The following JHY variants were observed in gnomAD, a reference collection of about 807,000 sequenced individuals.
The protein encoded by JHY is junctional cadherin complex regulator, also known as jhy protein homolog.
JHY carries 69 observed loss-of-function variants against 78.0 expected under a neutral mutation model. The ratio of observed to expected loss-of-function variants is 0.88; its 90% CI spans 0.73 to 1.08. The LOEUF is 1.08. Among genes scored for constraint, JHY ranks in the 50% least tolerant of loss-of-function variants. The pLI, the probability that JHY is intolerant of heterozygous loss-of-function variation, is 0.00. For missense variants in JHY, 944 were observed against 927.8 expected (o/e 1.02, Z -0.23); for synonymous variants, 368 against 342.6 (o/e 1.07, Z -0.82).
intron 3 of JHY, among the ~76,000 whole-genome samples, chr11:122,908,206 C>A (rs1863035911): frequency 6.6e-6 from 1 of 152,146 alleles, no homozygotes; most frequent in East Asian, 1.9e-4. Context: ...TTAGAGTGCA[C>A]CAGAATCATC....
chr11:122,938,536 G>A (rs537135057), intron 5 of JHY, among the ~76,000 whole-genome samples: 35 of 152,102 alleles, frequency 2.3e-4, no homozygotes, highest in African/African-American at 7.7e-4. Context: ...AGGGTGTAAG[G>A]GCCCTTGTGA....
chr11:122,946,527 C>T lies in JHY; in HGVS notation c.1664C>T (p.Thr555Met), dbSNP rs143699753. 8.3e-5 allele frequency: 133 copies of T among 1,600,012 alleles called. 1 individual carries two copies. Among genetic ancestry groups the T allele is most frequent in the South Asian group, 6.6e-4 (58 of 88,004 alleles). ...WKFHSSSDSQ[T>M]VRASPDSWLT... ...TTCCATTCTTCTTCTGACAGCCAGACGGTTAGAGCTTCTCCAGATTCATGG... is the reference window on the plus strand; with the variant it reads ...TTCCATTCTTCTTCTGACAGCCAGATGGTTAGAGCTTCTCCAGATTCATGG... The change falls in exon 6 of 9, where the codon ACG becomes ATG. Residue 555 changes from threonine to methionine, a missense_variant. Physicochemically the swap from Thr to Met is moderately conservative, Grantham distance 81. Transcript: ENST00000227349.
At position 122,956,461 on chromosome 11, in the gene JHY, C is replaced by T. The variant is rs752257315; in HGVS notation, c.1930-35C>T. 12 of 1,603,202 alleles carry T rather than the reference C, an allele frequency of 7.5e-6. No individual in the cohort carries two copies. In the South Asian group the frequency reaches 1.3e-4, roughly 18 times the overall value. ...TTAGGAGTCGGGGGACACACAAGTCCTTAAAAGAAACTGTTTCTGTGGTTG... is the reference window on the plus strand; with the variant it reads ...TTAGGAGTCGGGGGACACACAAGTCTTTAAAAGAAACTGTTTCTGTGGTTG... On this transcript the variant is annotated intron_variant, in intron 6 of 8. Coordinates refer to ENST00000227349, the MANE Select transcript of JHY (RefSeq NM_024806.4).
intron 6 of JHY, chr11:122,947,621 T>C (rs555123669): frequency 2.6e-5 from 4 of 152,290 alleles, no homozygotes; most frequent in African/African-American, 9.6e-5. Flanking sequence ...ATGCATTCTG[T>C]TTTACAGGCA....
At chr11:122,926,807 A>T (rs1232479108) in intron 4 of JHY, among the ~76,000 whole-genome samples, 1 of 152,240 alleles carries the variant, frequency 6.6e-6, no homozygotes, top group East Asian at 1.9e-4. Flanking sequence ...GCTTTTTCAA[A>T]ACCTTAAATT....
chr11:122,932,786 G>A (rs1246636168), intron 4 of JHY, among the ~76,000 whole-genome samples: 3 of 152,072 alleles, frequency 2.0e-5, no homozygotes, highest in Non-Finnish European at 2.9e-5. Context: ...CTATGTATTT[G>A]CAGAGCCTTC....
intron 4 of JHY, among the ~76,000 whole-genome samples, chr11:122,925,917 T>C (rs887438779): frequency 2.6e-5 from 4 of 151,716 alleles, no homozygotes; most frequent in African/African-American, 9.7e-5. Context: ...TTCAGGAGGC[T>C]GAGGCAGGAG....
intron 4 of JHY, among the ~76,000 whole-genome samples, chr11:122,926,872 T>G (rs1191119773): frequency 1.3e-5 from 2 of 152,246 alleles, no homozygotes; most frequent in African/African-American, 2.4e-5. Context: ...CCATCTCAGC[T>G]GCAAAATGCT....
At chr11:122,903,303 ATTTG>A (rs1246517049) in intron 2 of JHY, among the ~76,000 whole-genome samples, 2 of 152,164 alleles carry the variant, frequency 1.3e-5, no homozygotes, top group Non-Finnish European at 2.9e-5. Context: ...CACAGTGATT[ATTTG>A]TTTAACATTA....
At chr11:122,929,033 C>A (rs1863579419) in intron 4 of JHY, among the ~76,000 whole-genome samples, 1 of 152,044 alleles carries the variant, frequency 6.6e-6, no homozygotes, top group African/African-American at 2.4e-5. Context: ...CAACCTCTGC[C>A]TACCAGGTTC....
Position 122,935,151 on chromosome 11 carries a change from AG to A in JHY, c.1634+80del, listed in dbSNP as rs1308067634. 2 of 1,320,544 alleles carry A rather than the reference AG, an allele frequency of 1.5e-6. No individual in the cohort carries two copies. The highest frequency in any genetic ancestry group is 2.5e-5 in the Admixed American group (1 of 40,444). The allele number at this position is 1,320,544 out of a possible 1,614,324, so 81.8% of individuals were successfully genotyped here. A position where few individuals can be genotyped will look rare whatever the true frequency, so the allele number is the denominator to read the frequency against. ...GCTGCAGAAAGACGGGAGAGGAAGA[AG>A]GGGAAGGGGAATCCATAAGGTGGCT... is the stretch of plus-strand genomic sequence containing the variant. On this transcript the variant is annotated intron_variant, in intron 5 of 8. Coordinates refer to ENST00000227349, the MANE Select transcript of JHY (RefSeq NM_024806.4). This position sits in a 1 kb window ranked among gnomAD's most constrained non-coding sequence, Gnocchi z 4.5.
intron 6 of JHY, 129 bp downstream of exon 6, chr11:122,946,921 C>T: frequency 9.0e-7 from 1 of 1,116,018 alleles, no homozygotes; most frequent in South Asian, 1.7e-5. Flanking sequence ...CGCCCAGAGT[C>T]CTAAGGAGTT....
intron 5 of JHY, among the ~76,000 whole-genome samples, chr11:122,941,637 G>A (rs1337392882): frequency 6.6e-6 from 1 of 152,132 alleles, no homozygotes; most frequent in Non-Finnish European, 1.5e-5. Context: ...CTTGGTAGAG[G>A]TAATCAGTTT....
intron 2 of JHY, among the ~76,000 whole-genome samples, chr11:122,900,511 CTT>C (rs374998954): frequency 0.028 from 1,845 of 65,004 alleles, 32 homozygotes; most frequent in African/African-American, 0.1. Flanking sequence ...ATACTACCAG[CTT>C]TTTTTTTTTT....
Position 122,951,017 on chromosome 11 carries a change from G to T in JHY, c.1929+4225G>T, listed in dbSNP as rs1864073825. Reference sequence around the variant, plus strand: ...TTTAAGCTATTCCAGAAGCTAAAATGACTTAGAAATGAGCTATTTGTATAG... The same window carrying T: ...TTTAAGCTATTCCAGAAGCTAAAATTACTTAGAAATGAGCTATTTGTATAG... On this transcript the variant is annotated intron_variant, in intron 6 of 8. Transcript: ENST00000227349. 3.3e-5 allele frequency among the ~76,000 whole-genome samples: 5 copies of T among 152,208 alleles called. No individual in the cohort carries two copies. The South Asian group carries it at 1.0e-3, about 32-fold the overall frequency.
At chr11:122,892,694 T>C (rs1862650309) in intron 2 of JHY, among the ~76,000 whole-genome samples, 1 of 152,196 alleles carries the variant, frequency 6.6e-6, no homozygotes, top group Admixed American at 6.5e-5. Context: ...TTCTGATTAA[T>C]AATACGAGTC....
At chr11:122,944,608 T>C (rs1336095693) in intron 5 of JHY, among the ~76,000 whole-genome samples, 1 of 152,186 alleles carries the variant, frequency 6.6e-6, no homozygotes, top group Non-Finnish European at 1.5e-5. Flanking sequence ...TACTGTATTA[T>C]GAGTTAATAC....
intron 3 of JHY, among the ~76,000 whole-genome samples, chr11:122,921,991 G>C (rs567465956): frequency 3.3e-4 from 50 of 152,086 alleles, no homozygotes; most frequent in Non-Finnish European, 5.6e-4. Context: ...AAAAAAGAGA[G>C]AGAAAGAAGA....
rs1241227743 is a variant in JHY at position 122,934,761 on chromosome 11, T to C, written c.1320T>C (p.Asn440=). ...LRSHNLKETS[N]TFAPPKQAFD... is the part of the protein sequence containing the mutation. ...GCCACAATCTCAAAGAAACCTCCAA[T>C]ACATTTGCTCCACCAAAACAGGCTT... The change falls in exon 5 of 9, where the codon AAT becomes AAC. Residue 440 remains asparagine, a synonymous_variant. Transcript: ENST00000227349. 2.5e-6 allele frequency: 4 copies of C among 1,614,132 alleles called. No individual in the cohort carries two copies. Among genetic ancestry groups the C allele is most frequent in the South Asian group, 2.2e-5 (2 of 91,076 alleles).
Sources: gnomAD v4.1 joint callset for allele counts (sites outside exome capture counted in the v4.1 genomes callset) on GRCh38, gnomAD v4.1.1 for gene constraint, Gnocchi (gnomAD v3.1) non-coding constraint, MANE v1.5 for transcripts, NCBI Gene and HGNC (gene_info 2026-07-23, HGNC 2026-07-21) for gene names.